Variants in PASK observed in about 807,000 individuals in gnomAD.
The protein encoded by PASK is PAS domain containing serine/threonine kinase.
A neutral mutation model predicts 121.0 loss-of-function variants in PASK; 110 were observed. The observed-to-expected ratio is 0.91, with a 90% CI of 0.78 to 1.06. The LOEUF (loss-of-function observed/expected upper bound fraction) is 1.06. PASK is among the 50% of genes least tolerant of loss of function. The probability of loss-of-function intolerance (pLI) is 0.00; values close to 1 mark genes in which losing one functional copy is unlikely to be tolerated. For missense variants in PASK, 1,643 were observed against 1,702.3 expected (o/e 0.97, Z 0.61); for synonymous variants, 686 against 717.8 (o/e 0.96, Z 0.71).
chr2:241,136,039 T>G lies in PASK; in HGVS notation c.1138A>C (p.Asn380His). 6.2e-7 allele frequency: 1 copy of G among 1,613,668 alleles called. No homozygotes were observed. Among genetic ancestry groups the G allele is most frequent in the Admixed American group, 1.7e-5 (1 of 60,026 alleles). ...GYGKTELLGK[N>H]ITFLIPGFYS... ...AAACCAGGAATCAGGAAAGTGATAT[T>G]CTAGAAAACAAAGCAGGGACATTTC... The change falls in exon 8 of 18, where the codon AAT (asparagine) becomes CAT (histidine). Residue 380 changes from asparagine to histidine, a missense_variant and splice_region_variant. Transcript: ENST00000234040.
In PASK at chr2:241,126,399, C is replaced by T. The variant is rs150511923; in HGVS notation, c.2516G>A (p.Ser839Asn). The change falls in exon 10 of 18, where the codon AGC (serine) becomes AAC (asparagine). Residue 839 changes from serine (S) to asparagine (N), a missense_variant. Physicochemically the swap from Ser to Asn is conservative, Grantham distance 46. Coordinates refer to ENST00000234040, the MANE Select transcript of PASK (RefSeq NM_015148.4). ...AACGTGTCCTGGGCTTTCTCTGTCG[C>T]TTGCTGCATAATGCTCAGAGGACAC... ...CLVSSEHYAA[S>N]DRESPGHVPS... 126 of 1,614,262 alleles carry T rather than the reference C, an allele frequency of 7.8e-5. 1 individual carries two copies. In the African/African-American group the frequency reaches 1.3e-3, roughly 17 times the overall value.
intron 8 of PASK, among the ~76,000 whole-genome samples, chr2:241,135,311 C>T (rs1007633763): frequency 6.6e-6 from 1 of 152,108 alleles, no homozygotes; most frequent in African/African-American, 2.4e-5. Flanking sequence ...GGATGGGTTC[C>T]AGGACCCCCA....
Position 241,122,795 on chromosome 2 carries a change from G to A in PASK, c.3009C>T (p.Ser1003=), listed in dbSNP as rs568814805. ...GEYSQKYSTM[S]PLGSGAFGFV... ...AGCCGAAGGCCCCACTGCCCAGCGG[G>A]CTCATGGTACTGTACTTTTGGGAGT... Residue 1003 remains serine (S), a synonymous_variant, in exon 12 of 18, where the codon AGC becomes AGT. Coordinates refer to ENST00000234040, the MANE Select transcript of PASK (RefSeq NM_015148.4). 4 of 1,614,162 alleles carry A rather than the reference G, an allele frequency of 2.5e-6. No homozygotes were observed. The highest frequency in any genetic ancestry group is 1.7e-5 in the Admixed American group (1 of 60,028).
At chr2:241,132,792 A>G in intron 9 of PASK, 82 bp downstream of exon 9, 3 of 1,169,064 alleles carry the variant, frequency 2.6e-6, no homozygotes. Flanking sequence ...TAGGCTGAAC[A>G]TTTCTCTCTG....
intron 1 of PASK, among the ~76,000 whole-genome samples, chr2:241,143,473 C>T (rs906978399): frequency 1.3e-5 from 2 of 151,860 alleles, no homozygotes; most frequent in African/African-American, 2.4e-5. Flanking sequence ...ATGGTGTGAA[C>T]CCGGGAGGCA....
At chr2:241,125,328 C>T (rs1000107832) in intron 10 of PASK, among the ~76,000 whole-genome samples, 4 of 146,576 alleles carry the variant, frequency 2.7e-5, no homozygotes, top group African/African-American at 7.6e-5. Flanking sequence ...AGGCCGGGCA[C>T]GGTGGCTCAC....
In PASK at chr2:241,138,025, G is replaced by A. The variant is rs200814351; in HGVS notation, c.804C>T (p.Asp268=). The change falls in exon 6 of 18, where the codon GAC becomes GAT. Residue 268 remains aspartate, a synonymous_variant. Coordinates refer to ENST00000234040, the MANE Select transcript of PASK (RefSeq NM_015148.4). ...GGTCTGTGATATGCTGCCCAGCCACGTCCTCCCCAGACACGTACCCGTGAA... is the reference window on the plus strand; with the variant it reads ...GGTCTGTGATATGCTGCCCAGCCACATCCTCCCCAGACACGTACCCGTGAA... ...AHLHGYVSGE[D]VAGQHITDLI... 864 of 1,614,118 alleles carry A rather than the reference G, an allele frequency of 5.4e-4. No homozygotes were observed. The highest frequency in any genetic ancestry group is 6.8e-4 in the Non-Finnish European group (807 of 1,179,938).
intron 9 of PASK, among the ~76,000 whole-genome samples, chr2:241,129,121 A>G (rs1223702240): frequency 3.9e-5 from 6 of 152,136 alleles, no homozygotes; most frequent in African/African-American, 1.2e-4. Flanking sequence ...AAATGCTAGG[A>G]AACTGCACAT....
chr2:241,143,408 G>C (rs1016203197), intron 1 of PASK, among the ~76,000 whole-genome samples: 3 of 152,036 alleles, frequency 2.0e-5, no homozygotes, highest in Admixed American at 1.3e-4. Context: ...AAAATTAGCC[G>C]GGCATGGTGG....
chr2:241,112,134 A>C lies in PASK; in HGVS notation c.3533+106T>G. On this transcript the variant is annotated intron_variant, in intron 15 of 17. Transcript: ENST00000234040. This position sits in a 1 kb window ranked among gnomAD's most constrained non-coding sequence, Gnocchi z 5.2. ...ATATCACCCTGACCACTCAACACTC[A>C]TCACAAAGAGGCACAAAGGAAGCCA... The C allele has an allele frequency of 1.1e-6, 1 of 882,058 alleles. No homozygotes were observed. Among genetic ancestry groups the C allele is most frequent in the Non-Finnish European group, 1.9e-6 (1 of 526,866 alleles). 54.6% of individuals were successfully genotyped at this position (882,058 alleles called of 1,614,324 possible). A position where few individuals can be genotyped will look rare whatever the true frequency, so the allele number is the denominator to read the frequency against.
intron 1 of PASK, among the ~76,000 whole-genome samples, chr2:241,144,093 T>G (rs373250539): frequency 5.7e-4 from 86 of 152,190 alleles, no homozygotes; most frequent in Non-Finnish European, 5.9e-4. Context: ...TGTGTGTGTG[T>G]GTGGGTGTGC....
At position 241,112,647 on chromosome 2, in the gene PASK, T is replaced by C. The variant is rs955515170; in HGVS notation, c.3334-208A>G. On this transcript the variant is annotated intron_variant, in intron 14 of 17. Coordinates refer to ENST00000234040, the MANE Select transcript of PASK (RefSeq NM_015148.4). This position sits in a 1 kb window ranked among gnomAD's most constrained non-coding sequence, Gnocchi z 5.2. ...CTTCAGGAGGCGTGTTCACTGGGGA[T>C]GGCCACGTTAGCCGGCAAGGTGGCA... 8 of 545,330 alleles carry C rather than the reference T, an allele frequency of 1.5e-5. No homozygotes were observed. The highest frequency in any genetic ancestry group is 2.6e-5 in the Non-Finnish European group (8 of 305,678). The allele number at this position is 545,330 out of a possible 1,614,324, so 33.8% of individuals were successfully genotyped here. A position where few individuals can be genotyped will look rare whatever the true frequency, so the allele number is the denominator to read the frequency against.
chr2:241,122,828 C>T lies in PASK; in HGVS notation c.2976G>A (p.Glu992=). The change falls in exon 12 of 18, where the codon GAG becomes GAA. Residue 992 remains glutamate (E), a synonymous_variant. Coordinates refer to ENST00000234040, the MANE Select transcript of PASK (RefSeq NM_015148.4). ...AVELEGLAAC[E]GEYSQKYSTM... ...TACTGTACTTTTGGGAGTACTCGCC[C>T]TCACAGGCCGCCAACCCCTCCAGTT... The T allele has an allele frequency of 1.2e-6, 2 of 1,614,224 alleles. No individual in the cohort carries two copies. The highest frequency in any genetic ancestry group is 1.1e-5 in the South Asian group (1 of 91,086).
chr2:241,106,824 G>C, intron 17 of PASK, 101 bp from the exon 18 acceptor site: 3 of 1,182,676 alleles, frequency 2.5e-6, no homozygotes, highest in Non-Finnish European at 3.7e-6. Context: ...AGCCTAAGGT[G>C]AGGCCCTCAG....
rs752009013 is a variant in PASK at position 241,132,965 on chromosome 2, T to A, written c.1372A>T (p.Met458Leu). The change falls in exon 9 of 18, where the codon ATG (methionine) becomes TTG (leucine). Residue 458 changes from methionine to leucine, a missense_variant. Physicochemically the swap from Met to Leu is conservative, Grantham distance 15. Coordinates refer to ENST00000234040, the MANE Select transcript of PASK (RefSeq NM_015148.4). ...VVPRDEIRKL[M>L]ESQDIFTGTQ... Reference sequence around the variant, plus strand: ...CCGGTGAAGATGTCTTGGCTTTCCATCAGCTTCCGGATCTCATCTCGGGGC... The same window carrying A: ...CCGGTGAAGATGTCTTGGCTTTCCAACAGCTTCCGGATCTCATCTCGGGGC... 1.8e-5 allele frequency: 29 copies of A among 1,613,860 alleles called. No homozygotes were observed. The highest frequency in any genetic ancestry group is 3.3e-5 in the Admixed American group (2 of 59,996).
At chr2:241,133,982 CAAAA>C (rs371863045) in intron 8 of PASK, 45 of 118,034 alleles carry the variant, frequency 3.8e-4, no homozygotes, top group East Asian at 1.1e-3. Context: ...AACTCTGTCT[CAAAA>C]AAAAAAAAAA....
At chr2:241,133,407 A>T (rs2066261295) in intron 8 of PASK, 1 of 357,774 alleles carries the variant, frequency 2.8e-6, no homozygotes, top group Non-Finnish European at 5.4e-6. Context: ...CCATATCTGA[A>T]GTATTAGAGG....
In PASK at chr2:241,149,404, G is replaced by C. The variant is rs543333719; in HGVS notation, c.-43+10C>G. On this transcript the variant is annotated intron_variant, in intron 1 of 17. Coordinates refer to ENST00000234040, the MANE Select transcript of PASK (RefSeq NM_015148.4). The stretch of plus-strand genomic sequence containing the variant: ...AGCCCGGCCCGCTCTCCCGAGCGCA[G>C]GTATCTCACCTGGATCAGGCGAGGG... 4.3e-6 allele frequency: 2 copies of C among 461,214 alleles called. No individual in the cohort carries two copies. The highest frequency in any genetic ancestry group is 5.5e-5 in the South Asian group (2 of 36,402). 28.6% of individuals were successfully genotyped at this position (461,214 alleles called of 1,614,324 possible). A position where few individuals can be genotyped will look rare whatever the true frequency, so the allele number is the denominator to read the frequency against.
chr2:241,138,656 C>A lies in PASK; in HGVS notation c.739G>T (p.Asp247Tyr), dbSNP rs1429234384. Residue 247 changes from aspartate to tyrosine, a missense_variant and splice_region_variant, in exon 5 of 18, where the codon GAT becomes TAT. Asp to Tyr is a radical substitution (Grantham distance 160). Coordinates refer to ENST00000234040, the MANE Select transcript of PASK (RefSeq NM_015148.4). ...ATGAGGCAAAGTTGCACACTCACAT[C>A]GCTCTGGAAAGCGACCCAGGTCGAG... Reference protein sequence around the residue: ...RVSTWVAFQSDGTVTSCDSLF... With the variant: ...RVSTWVAFQSYGTVTSCDSLF... The A allele has an allele frequency of 6.2e-7, 1 of 1,613,982 alleles. No individual in the cohort carries two copies. The highest frequency in any genetic ancestry group is 1.1e-5 in the South Asian group (1 of 91,088).
Sources: allele counts gnomAD v4.1 joint callset (sites outside exome capture counted in the v4.1 genomes callset), GRCh38; gene constraint gnomAD v4.1.1; non-coding constraint Gnocchi (gnomAD v3.1); transcripts MANE v1.5; gene names NCBI Gene and HGNC (gene_info 2026-07-23, HGNC 2026-07-21).